The following ZNF385D variants were observed in gnomAD, a reference collection of about 807,000 sequenced individuals.
ZNF385D encodes zinc finger protein 385D, also known as zinc finger protein 659.
In ZNF385D, 15 loss-of-function variants were observed where a neutral mutation model predicts 35.8. The observed-to-expected ratio is 0.42, with a 90% CI of 0.28 to 0.64. The LOEUF is 0.64. ZNF385D is among the 30% of genes least tolerant of loss of function. The probability of loss-of-function intolerance (pLI) is 0.23; values close to 1 mark genes in which losing one functional copy is unlikely to be tolerated. For missense variants in ZNF385D, 474 were observed against 494.6 expected (o/e 0.96, Z 0.39); for synonymous variants, 212 against 186.8 (o/e 1.13, Z -1.10).
intron 3 of ZNF385D, among the ~76,000 whole-genome samples, 179 bp downstream of exon 3, chr3:21,564,395 C>T (rs1047712431): frequency 2.8e-4 from 43 of 152,270 alleles, no homozygotes; most frequent in African/African-American, 9.9e-4. Flanking sequence ...CTGTAGTAAA[C>T]AACCAAACAT....
intron 3 of ZNF385D, chr3:21,562,121 A>G (rs10460951): frequency 0.69 from 105,432 of 151,912 alleles, 37,712 homozygotes; most frequent in African/African-American, 0.88. Flanking sequence ...TGAGAATGAG[A>G]AGCCAGTTGT....
chr3:22,173,820 T>C (rs555208699), intron 2 of ZNF385D, among the ~76,000 whole-genome samples: 1 of 152,140 alleles, frequency 6.6e-6, no homozygotes, highest in Non-Finnish European at 1.5e-5. Flanking sequence ...TGCCTGTGAC[T>C]AGGTAGGTAA....
chr3:21,754,538 C>T (rs531124552), upstream of ZNF385D, among the ~76,000 whole-genome samples: 5 of 152,140 alleles, frequency 3.3e-5, no homozygotes, highest in African/African-American at 1.2e-4. Flanking sequence ...TTCTAAGATC[C>T]GGGTAGCTGC....
intron 3 of ZNF385D, among the ~76,000 whole-genome samples, chr3:22,123,889 AC>A (rs1703246696): frequency 6.7e-6 from 1 of 149,500 alleles, no homozygotes; most frequent in Non-Finnish European, 1.5e-5. Flanking sequence ...ACCAAACCAA[AC>A]AAAAACAAAA....
rs887328290 is a variant in ZNF385D at position 21,539,079 on chromosome 3, C to T, written c.276+25495G>A. On this transcript the variant is annotated intron_variant, in intron 3 of 7. Coordinates refer to ENST00000281523, the MANE Select transcript of ZNF385D (RefSeq NM_024697.3). The surrounding 1 kb of genome is among the most constrained non-coding windows in gnomAD (Gnocchi z 4.0). ...GAACTAGTTTTCAGCTAATACGGAA[C>T]AAAGGGAGTGGGTGCAGCAAAATAT... is the stretch of plus-strand genomic sequence containing the variant. Among the ~76,000 whole-genome samples the T allele has an allele frequency of 6.6e-6, 1 of 151,962 alleles. No individual in the cohort carries two copies. Among genetic ancestry groups the T allele is most frequent in the Non-Finnish European group, 1.5e-5 (1 of 68,020 alleles).
chr3:21,806,094 AT>A lies in ZNF385D; in HGVS notation c.326-141067del, dbSNP rs374013349. ...GTTAGCTAAACAGCAAAGCAGGCTT[AT>A]TTGTCTGGTACTCAAGTGGTGCTTG... On this transcript the variant is annotated intron_variant, in intron 3 of 5. Coordinates refer to the ZNF385D transcript ENST00000494108. Among the ~76,000 whole-genome samples, 163 of 151,852 alleles carry A rather than the reference AT, an allele frequency of 1.1e-3. 4 individuals are homozygous for A. In the South Asian group the frequency reaches 0.032, roughly 30 times the overall value.
At chr3:21,468,754 T>C (rs1228083238) in intron 4 of ZNF385D, among the ~76,000 whole-genome samples, 1 of 151,882 alleles carries the variant, frequency 6.6e-6, no homozygotes, top group Non-Finnish European at 1.5e-5. Flanking sequence ...TGAAACTCCG[T>C]TTCTACTTAA....
intron 3 of ZNF385D, among the ~76,000 whole-genome samples, chr3:22,038,345 T>A (rs529958546): frequency 3.9e-5 from 6 of 152,314 alleles, no homozygotes; most frequent in African/African-American, 1.4e-4. Context: ...TAGCTTAGAA[T>A]ACTGGCTTTC....
chr3:22,286,818 T>G (rs562647891), intron 2 of ZNF385D, among the ~76,000 whole-genome samples: 1 of 152,244 alleles, frequency 6.6e-6, no homozygotes, highest in East Asian at 1.9e-4. Context: ...TGAAGAATCA[T>G]CCACGTGCAC....
intron 2 of ZNF385D, among the ~76,000 whole-genome samples, chr3:22,175,110 T>C (rs1026759704): frequency 5.9e-5 from 9 of 152,036 alleles, no homozygotes; most frequent in Non-Finnish European, 8.8e-5. Context: ...AGTTGTAATT[T>C]GTATGATATA....
intron 2 of ZNF385D, among the ~76,000 whole-genome samples, chr3:22,288,818 C>A (rs547761358): frequency 4.9e-4 from 75 of 152,198 alleles, no homozygotes; most frequent in Admixed American, 1.0e-3. Flanking sequence ...TTAGATGAGA[C>A]AGTAGCATCC....
intron 2 of ZNF385D, among the ~76,000 whole-genome samples, chr3:22,283,224 G>T (rs1303083796): frequency 6.6e-6 from 1 of 151,992 alleles, no homozygotes; most frequent in Non-Finnish European, 1.5e-5. Context: ...GACAGCAAAC[G>T]ATAGTAGTGG....
At chr3:22,056,289 A>T in intron 3 of ZNF385D, among the ~76,000 whole-genome samples, 2 of 148,558 alleles carry the variant, frequency 1.3e-5, no homozygotes, top group South Asian at 2.2e-4. Flanking sequence ...AAAAAAAAAA[A>T]AAAAAAAAAA....
At chr3:22,276,457 A>G (rs1015402377) in intron 2 of ZNF385D, among the ~76,000 whole-genome samples, 7 of 152,246 alleles carry the variant, frequency 4.6e-5, no homozygotes, top group East Asian at 1.9e-4. Flanking sequence ...TAAGTCCTGC[A>G]TCTGAGACCC....
At chr3:22,215,087 G>A (rs1697781642) in intron 2 of ZNF385D, among the ~76,000 whole-genome samples, 1 of 151,892 alleles carries the variant, frequency 6.6e-6, no homozygotes, top group South Asian at 2.1e-4. Context: ...GACACTTAAG[G>A]AATATAGAAA....
rs556540743 is a variant in ZNF385D, at chr3:22,203,488, G to A, written c.107-34453C>T. Among the ~76,000 whole-genome samples the A allele has an allele frequency of 9.2e-5, 14 of 152,202 alleles. No homozygotes were observed. The South Asian group carries it at 2.9e-3, about 32-fold the overall frequency. On this transcript the variant is annotated intron_variant, in intron 2 of 5. Coordinates refer to the ZNF385D transcript ENST00000494108. ...GAGAAAAGCAGAGGAAAGAATAAAAGGAACTTTGTCTTATAGCTTAGGTAC... is the reference window on the plus strand; with the variant it reads ...GAGAAAAGCAGAGGAAAGAATAAAAAGAACTTTGTCTTATAGCTTAGGTAC...
chr3:21,751,187 T>C lies in ZNF385D; in HGVS notation c.-271A>G, dbSNP rs746553669. On this transcript the variant is annotated 5_prime_UTR_variant, in exon 1 of 8. Transcript: ENST00000281523. ...ATCCGACTCCTCCTTGCGATGTCCT[T>C]GCCGCGCCTGTGACATCAGGACTGA... is the stretch of plus-strand genomic sequence containing the variant. 88 of 1,374,754 alleles carry C rather than the reference T, an allele frequency of 6.4e-5. No individual in the cohort carries two copies. Among genetic ancestry groups the C allele is most frequent in the Non-Finnish European group, 8.1e-5 (86 of 1,062,130 alleles). 85.2% of individuals were successfully genotyped at this position (1,374,754 alleles called of 1,614,324 possible). A position where few individuals can be genotyped will look rare whatever the true frequency, so the allele number is the denominator to read the frequency against.
intron 3 of ZNF385D, among the ~76,000 whole-genome samples, chr3:21,948,096 TC>T (rs1041148632): frequency 5.9e-5 from 9 of 152,240 alleles, no homozygotes; most frequent in East Asian, 5.8e-4. Context: ...CATCTTTTTT[TC>T]CTGTCAATAT....
intron 2 of ZNF385D, among the ~76,000 whole-genome samples, chr3:22,253,669 A>T (rs1459420741): frequency 6.6e-6 from 1 of 151,992 alleles, no homozygotes; most frequent in Admixed American, 6.6e-5. Context: ...AAATGATGTT[A>T]TTCTGGGATT....
Sources: gnomAD v4.1 joint callset for allele counts (sites outside exome capture counted in the v4.1 genomes callset) on GRCh38, gnomAD v4.1.1 for gene constraint, Gnocchi (gnomAD v3.1) non-coding constraint, MANE v1.5 for transcripts, NCBI Gene and HGNC (gene_info 2026-07-23, HGNC 2026-07-21) for gene names.